Variants in IQCK observed in about 807,000 individuals in gnomAD.
The protein encoded by IQCK is IQ domain-containing protein K.
IQCK carries 29 observed loss-of-function variants against 28.1 expected under a neutral mutation model. The observed-to-expected ratio is 1.03, with a 90% CI of 0.77 to 1.41. The LOEUF (loss-of-function observed/expected upper bound fraction) is 1.41, where lower values mean the gene tolerates loss of function less well. Among genes scored for constraint, IQCK ranks in the 40% most tolerant of loss-of-function variants. The pLI is 0.00. For missense variants in IQCK, 359 were observed against 314.7 expected (o/e 1.14, Z -1.07); for synonymous variants, 113 against 115.1 (o/e 0.98, Z 0.12).
rs982776175 is a variant in IQCK, at chr16:19,814,121, G to A, written c.691-12905G>A. The stretch of plus-strand genomic sequence containing the variant: ...TGTAATCCCGGCTACTCAGGAGGCT[G>A]AGGCAGGAGAATTGCTTAAACCCAG... On this transcript the variant is annotated intron_variant, in intron 7 of 7. Coordinates refer to ENST00000564186, the Ensembl canonical transcript of IQCK. 2.0e-5 allele frequency among the ~76,000 whole-genome samples: 3 copies of A among 150,700 alleles called. 1 individual carries two copies. The highest frequency in any genetic ancestry group is 6.7e-5 in the Admixed American group (1 of 15,024).
At chr16:19,730,322 A>G in intron 1 of IQCK, 108 bp from the exon 2 acceptor site, 1 of 803,382 alleles carries the variant, frequency 1.2e-6, no homozygotes, top group Non-Finnish European at 1.9e-6. Flanking sequence ...ATTTCTGTAC[A>G]CCACCAGCCA....
At chr16:19,774,924 G>A (rs1408330661) in intron 6 of IQCK, among the ~76,000 whole-genome samples, 1 of 152,104 alleles carries the variant, frequency 6.6e-6, no homozygotes, top group African/African-American at 2.4e-5. Context: ...GAAAGGGAAA[G>A]GGATAAGAAT....
intron 4 of IQCK, among the ~76,000 whole-genome samples, chr16:19,744,990 G>A (rs143674000): frequency 1.5e-4 from 23 of 152,260 alleles, no homozygotes; most frequent in African/African-American, 3.9e-4. Flanking sequence ...ATCTAAATTC[G>A]TTGGCCAATA....
At chr16:19,740,966 TAAA>T (rs59584575) in intron 4 of IQCK, among the ~76,000 whole-genome samples, 19 of 129,214 alleles carry the variant, frequency 1.5e-4, no homozygotes, top group African/African-American at 3.1e-4. Flanking sequence ...AGACTCCATC[TAAA>T]AAAAAAAAAA....
chr16:19,847,329 T>C, intron 9 of IQCK, among the ~76,000 whole-genome samples: 1 of 152,210 alleles, frequency 6.6e-6, no homozygotes, highest in Non-Finnish European at 1.5e-5. Flanking sequence ...GTTCCTATTT[T>C]ATTTTTTGTG....
At chr16:19,836,518 C>A (rs1425583508) in intron 9 of IQCK, among the ~76,000 whole-genome samples, 1 of 152,194 alleles carries the variant, frequency 6.6e-6, no homozygotes, top group East Asian at 1.9e-4. Context: ...AGTTCAAGAT[C>A]CTGTATTGAA....
chr16:19,771,726 G>A (rs1038590360), intron 6 of IQCK, among the ~76,000 whole-genome samples: 1 of 152,124 alleles, frequency 6.6e-6, no homozygotes, highest in Non-Finnish European at 1.5e-5. Context: ...ATAAAAAAAT[G>A]TGTAAGTATT....
At chr16:19,814,786 CTTTTTT>C (rs35073247) in intron 7 of IQCK, among the ~76,000 whole-genome samples, 1 of 122,428 alleles carries the variant, frequency 8.2e-6, no homozygotes. Flanking sequence ...TAAAGAGGGT[CTTTTTT>C]TTTTTTTTTT....
At position 19,840,270 on chromosome 16, in the gene IQCK, C is replaced by T. The variant is rs139095973; in HGVS notation, c.802+13133C>T. 2.1e-3 allele frequency among the ~76,000 whole-genome samples: 323 copies of T among 151,882 alleles called. 4 individuals are homozygous for T. The highest frequency in any genetic ancestry group is 4.2e-3 in the Admixed American group (64 of 15,248). On this transcript the variant is annotated intron_variant, in intron 9 of 9. Transcript: ENST00000320394. Reference sequence around the variant, plus strand: ...ACTTAGAAGGCTGAAGCAGGAGAATCGCTTAAACCCGGGAGGTGGAGGTTG... The same window carrying T: ...ACTTAGAAGGCTGAAGCAGGAGAATTGCTTAAACCCGGGAGGTGGAGGTTG...
In IQCK at chr16:19,823,710, G is replaced by A. The variant is rs562613328; in HGVS notation, c.691-3316G>A. On this transcript the variant is annotated intron_variant, in intron 7 of 7. Transcript: ENST00000564186. The stretch of plus-strand genomic sequence containing the variant: ...CCAGCACTTTGGGACGCCGAGGTGG[G>A]CAGACCACCTGAGGTCAGGAGTTCG... 3.9e-5 allele frequency among the ~76,000 whole-genome samples: 6 copies of A among 152,306 alleles called. No individual in the cohort carries two copies. The East Asian group carries it at 9.7e-4, about 25-fold the overall frequency.
chr16:19,804,907 G>A (rs1396783323), intron 7 of IQCK, among the ~76,000 whole-genome samples: 1 of 152,140 alleles, frequency 6.6e-6, no homozygotes, highest in African/African-American at 2.4e-5. Flanking sequence ...TCCAACAATC[G>A]TTGTTTAAGC....
chr16:19,826,289 A>G (rs544383848), intron 7 of IQCK, among the ~76,000 whole-genome samples: 2 of 152,294 alleles, frequency 1.3e-5, no homozygotes, highest in African/African-American at 4.8e-5. Context: ...ATTTACAGGC[A>G]TGAGTCACCA....
intron 9 of IQCK, among the ~76,000 whole-genome samples, chr16:19,837,522 T>C (rs540173443): frequency 1.3e-5 from 2 of 152,300 alleles, no homozygotes; most frequent in East Asian, 3.9e-4. Flanking sequence ...TCTCCTCTGT[T>C]GTGTGGGGAC....
At chr16:19,774,763 G>T (rs1465743510) in intron 6 of IQCK, among the ~76,000 whole-genome samples, 1 of 152,210 alleles carries the variant, frequency 6.6e-6, no homozygotes. Context: ...ACTATGTGCC[G>T]TGGAAACATG....
At chr16:19,735,384 C>T (rs372948080) in exon 4 of IQCK, 38 of 1,613,898 alleles carry the variant, frequency 2.4e-5, no homozygotes, top group Non-Finnish European at 2.6e-5. Context: ...AAACTTTCAT[C>T]TTTCCTGTTC....
intron 6 of IQCK, among the ~76,000 whole-genome samples, chr16:19,776,660 G>C (rs1385982397): frequency 6.6e-6 from 1 of 152,216 alleles, no homozygotes; most frequent in African/African-American, 2.4e-5. Context: ...AGTGAGCCGA[G>C]ATGGTGCCAC....
At chr16:19,756,036 T>G (rs748555688) in intron 4 of IQCK, among the ~76,000 whole-genome samples, 9 of 152,106 alleles carry the variant, frequency 5.9e-5, no homozygotes, top group Non-Finnish European at 1.3e-4. Flanking sequence ...TCAAAAAAAT[T>G]AGCTGGGCCT....
intron 7 of IQCK, among the ~76,000 whole-genome samples, chr16:19,817,196 T>C (rs1423541822): frequency 6.6e-6 from 1 of 152,204 alleles, no homozygotes; most frequent in Non-Finnish European, 1.5e-5. Flanking sequence ...CACAGTACTT[T>C]TATTTTAAAA....
At chr16:19,812,664 A>T (rs1364362486) in intron 7 of IQCK, among the ~76,000 whole-genome samples, 11 of 152,226 alleles carry the variant, frequency 7.2e-5, no homozygotes, top group African/African-American at 1.2e-4. Context: ...TTATGAGCTC[A>T]TAATAAAAAA....
Sources: gnomAD v4.1 joint callset for allele counts (sites outside exome capture counted in the v4.1 genomes callset) on GRCh38, gnomAD v4.1.1 for gene constraint, MANE v1.5 for transcripts, NCBI Gene and HGNC (gene_info 2026-07-23, HGNC 2026-07-21) for gene names.